The following PANX1 variants were observed in gnomAD, a reference collection of about 807,000 sequenced individuals.
PANX1 encodes pannexin 1, also known as pannexin-1.
Under a neutral mutation model 38.7 loss-of-function variants are expected in PANX1, and 30 were observed. The observed-to-expected ratio is 0.78, with a 90% CI of 0.58 to 1.05. PANX1 has a LOEUF of 1.05. Among genes scored for constraint, PANX1 ranks in the 50% least tolerant of loss-of-function variants. The pLI, the probability that PANX1 is intolerant of heterozygous loss-of-function variation, is 0.00. For missense variants in PANX1, 551 were observed against 517.2 expected (o/e 1.07, Z -0.63); for synonymous variants, 230 against 212.2 (o/e 1.08, Z -0.73).
intron 1 of PANX1, among the ~76,000 whole-genome samples, chr11:94,133,021 TC>T (rs1317677871): frequency 6.6e-6 from 1 of 152,246 alleles, no homozygotes; most frequent in Non-Finnish European, 1.5e-5. Context: ...TTTGGCCTTT[TC>T]TCTTAGTAGT....
chr11:94,147,072 G>C (rs1205765402), intron 1 of PANX1, among the ~76,000 whole-genome samples: 4 of 152,146 alleles, frequency 2.6e-5, no homozygotes, highest in Admixed American at 2.0e-4. Context: ...TGTTAACACT[G>C]GTTGAATCTA....
intron 1 of PANX1, among the ~76,000 whole-genome samples, chr11:94,152,879 C>A (rs1315407865): frequency 6.6e-6 from 1 of 152,208 alleles, no homozygotes; most frequent in Non-Finnish European, 1.5e-5. Flanking sequence ...TACCGCCCAT[C>A]TGCTGTTGGG....
chr11:94,131,803 T>G (rs962219662), intron 1 of PANX1, among the ~76,000 whole-genome samples: 3 of 152,210 alleles, frequency 2.0e-5, no homozygotes, highest in African/African-American at 7.2e-5. Context: ...GGAGGGATCA[T>G]GTCATGCAGC....
intron 2 of PANX1, among the ~76,000 whole-genome samples, chr11:94,165,503 A>G (rs1947093067): frequency 6.6e-6 from 1 of 152,242 alleles, no homozygotes; most frequent in African/African-American, 2.4e-5. Context: ...AAATGCTCCA[A>G]TTAAAAATTC....
At chr11:94,158,510 A>G (rs1390839141) in intron 2 of PANX1, among the ~76,000 whole-genome samples, 4 of 151,726 alleles carry the variant, frequency 2.6e-5, no homozygotes, top group South Asian at 4.2e-4. Context: ...CTTTGAAGCA[A>G]TTGTGAATGG....
intron 2 of PANX1, among the ~76,000 whole-genome samples, chr11:94,161,219 C>A (rs564387652): frequency 6.6e-6 from 1 of 152,010 alleles, no homozygotes; most frequent in East Asian, 1.9e-4. Flanking sequence ...TTGCTCTTCT[C>A]GAGGAGTATC....
intron 2 of PANX1, among the ~76,000 whole-genome samples, chr11:94,155,862 G>C (rs977968285): frequency 2.6e-5 from 4 of 152,140 alleles, no homozygotes; most frequent in Non-Finnish European, 5.9e-5. Context: ...GTGGGTTCTC[G>C]TCAGCTTTGC....
chr11:94,152,742 C>T (rs550887883), intron 1 of PANX1, among the ~76,000 whole-genome samples: 152 of 152,300 alleles, frequency 1.0e-3, no homozygotes, highest in South Asian at 6.2e-4. Context: ...ACAGATGTGA[C>T]GGTAGCATCT....
At chr11:94,169,732 G>T (rs561142287) in intron 2 of PANX1, among the ~76,000 whole-genome samples, 38 of 151,788 alleles carry the variant, frequency 2.5e-4, no homozygotes, top group African/African-American at 8.0e-4. Context: ...GAATGCTGGG[G>T]CGACTGGAAG....
Position 94,129,440 on chromosome 11 carries a change from TG to T in PANX1, c.132del (p.Leu45CysfsTer20), listed in dbSNP as rs1946598970. On this transcript the variant is annotated frameshift_variant, in exon 1 of 5. Coordinates refer to ENST00000227638, the MANE Select transcript of PANX1 (RefSeq NM_015368.4). LOFTEE classifies it high-confidence loss of function. ...GACAAGATGGTCACGTGCATTGCGG[TG>T]GGGCTGCCCCTGCTGCTCATCTCGC... ...AVDKMVTCIA[V>X]GLPLLLISLA... The T allele has an allele frequency of 6.2e-7, 1 of 1,613,642 alleles. No homozygotes were observed. The highest frequency in any genetic ancestry group is 1.3e-5 in the African/African-American group (1 of 74,896).
chr11:94,139,793 C>G (rs896665164), intron 1 of PANX1, among the ~76,000 whole-genome samples: 2 of 152,236 alleles, frequency 1.3e-5, no homozygotes, highest in Admixed American at 6.5e-5. Flanking sequence ...TCCATGGGGA[C>G]AGAAGCTCCT....
chr11:94,138,263 G>C (rs1946724290), intron 1 of PANX1, among the ~76,000 whole-genome samples: 1 of 152,114 alleles, frequency 6.6e-6, no homozygotes, highest in South Asian at 2.1e-4. Flanking sequence ...GTGTGCCATT[G>C]TTTTAAGTCG....
intron 4 of PANX1, 98 bp from the exon 5 acceptor site, chr11:94,180,692 A>G (rs1947295668): frequency 1.4e-6 from 1 of 707,842 alleles, no homozygotes. Flanking sequence ...AAAACATGGT[A>G]TAGACTGTGA....
chr11:94,129,877 C>A (rs1388587132), intron 1 of PANX1, among the ~76,000 whole-genome samples: 1 of 152,186 alleles, frequency 6.6e-6, no homozygotes, highest in African/African-American at 2.4e-5. Context: ...CAGAGAAGTT[C>A]CTGAGTGGCT....
rs1267614881 is a variant in PANX1, at chr11:94,172,909, A to T, written c.322-5460A>T. 1.3e-5 allele frequency among the ~76,000 whole-genome samples: 2 copies of T among 151,728 alleles called. 1 individual carries two copies. The highest frequency in any genetic ancestry group is 4.9e-5 in the African/African-American group (2 of 40,992). On this transcript the variant is annotated intron_variant, in intron 2 of 4. Transcript: ENST00000227638. ...CGCTGTCTTCTCCAGGGCTCTCCCC[A>T]TGATGGGTTCCCTCCAGCTGCACTC...
intron 2 of PANX1, among the ~76,000 whole-genome samples, chr11:94,164,798 A>G (rs566353546): frequency 3.9e-5 from 6 of 152,258 alleles, no homozygotes; most frequent in Admixed American, 3.3e-4. Flanking sequence ...CTATTATTAT[A>G]TTGGGCTTTA....
At chr11:94,159,285 T>C (rs1946991711) in intron 2 of PANX1, among the ~76,000 whole-genome samples, 1 of 152,158 alleles carries the variant, frequency 6.6e-6, no homozygotes, top group Non-Finnish European at 1.5e-5. Flanking sequence ...TTAGGGAGGA[T>C]TCCCTCTTTT....
At chr11:94,177,166 G>A (rs1036904389) in intron 2 of PANX1, among the ~76,000 whole-genome samples, 14 of 151,372 alleles carry the variant, frequency 9.2e-5, no homozygotes, top group African/African-American at 2.2e-4. Flanking sequence ...GCCATTGCAG[G>A]TACCTGAGCA....
At chr11:94,129,975 C>G (rs1443993208) in intron 1 of PANX1, among the ~76,000 whole-genome samples, 1 of 152,172 alleles carries the variant, frequency 6.6e-6, no homozygotes, top group Non-Finnish European at 1.5e-5. Context: ...GATCTTAGCT[C>G]TCTAGGGTTG....
Sources: allele counts gnomAD v4.1 joint callset (sites outside exome capture counted in the v4.1 genomes callset), GRCh38; gene constraint gnomAD v4.1.1; transcripts MANE v1.5; gene names NCBI Gene and HGNC (gene_info 2026-07-23, HGNC 2026-07-21).